The following BICD1 variants were observed in gnomAD, a reference collection of about 807,000 sequenced individuals.
The protein encoded by BICD1 is BICD cargo adaptor 1.
In BICD1, 35 loss-of-function variants were observed where a neutral mutation model predicts 92.5. The ratio of observed to expected loss-of-function variants is 0.38; its 90% confidence interval spans 0.29 to 0.50. The LOEUF (loss-of-function observed/expected upper bound fraction) is 0.50, where lower values mean the gene tolerates loss of function less well. Among genes scored for constraint, BICD1 ranks in the 20% least tolerant of loss-of-function variants. The pLI, the probability that BICD1 is intolerant of heterozygous loss-of-function variation, is 0.93. For synonymous variants in BICD1, 429 were observed against 465.1 expected (o/e 0.92, Z 1.00); for missense variants, 950 against 1,189.8 (o/e 0.80, Z 2.97).
intron 3 of BICD1, among the ~76,000 whole-genome samples, chr12:32,301,013 T>C (rs1948030114): frequency 6.6e-6 from 1 of 152,150 alleles, no homozygotes; most frequent in Non-Finnish European, 1.5e-5. Context: ...CACTGCTGTC[T>C]GAAGCAATTT....
rs1938594147 is a variant in BICD1, at chr12:32,346,562, A to ATATATATATATATACGTGTG, written c.2764+7597_2764+7598insCGTGTGTATATATATATATA. Among the ~76,000 whole-genome samples, 17 of 37,172 alleles carry ATATATATATATATACGTGTG rather than the reference A, an allele frequency of 4.6e-4. 2 individuals carry two copies. Among genetic ancestry groups the ATATATATATATATACGTGTG allele is most frequent in the African/African-American group, 5.6e-4 (3 of 5,398 alleles). 24.4% of individuals were successfully genotyped at this position (37,172 alleles called of 152,430 possible). ...TATATATATATATATATATATATAT[A>ATATATATATATATACGTGTG]TATATATATATATATATATACGTGT... On this transcript the variant is annotated intron_variant, in intron 8 of 9. Coordinates refer to ENST00000652176, the MANE Select transcript of BICD1 (RefSeq NM_001714.4).
At chr12:32,284,467 A>G (rs1947508195) in intron 2 of BICD1, among the ~76,000 whole-genome samples, 1 of 152,046 alleles carries the variant, frequency 6.6e-6, no homozygotes, top group African/African-American at 2.4e-5. Flanking sequence ...TTGTATTATC[A>G]CATCAGTCAG....
intron 3 of BICD1, among the ~76,000 whole-genome samples, chr12:32,300,187 T>C (rs924376865): frequency 6.6e-6 from 1 of 151,898 alleles, no homozygotes; most frequent in African/African-American, 2.4e-5. Flanking sequence ...CTGCAAGCTC[T>C]GCCTCCCGGG....
chr12:32,338,311 A>AAG (rs1938216825), intron 7 of BICD1: 3 of 172,608 alleles, frequency 1.7e-5, no homozygotes, highest in Admixed American at 1.1e-4. Context: ...GACAGACTGA[A>AAG]AGGGGATGTC....
intron 8 of BICD1, among the ~76,000 whole-genome samples, chr12:32,356,246 A>G (rs1216105294): frequency 6.6e-6 from 1 of 152,222 alleles, no homozygotes; most frequent in Non-Finnish European, 1.5e-5. Flanking sequence ...CAGTGTCCCT[A>G]GCTACTGGTT....
Position 32,256,239 on chromosome 12 carries a change from G to A in BICD1, c.427-37755G>A, listed in dbSNP as rs923218365. Among the ~76,000 whole-genome samples, 10 of 152,064 alleles carry A rather than the reference G, an allele frequency of 6.6e-5. No individual in the cohort carries two copies. The East Asian group carries it at 9.7e-4, about 15-fold the overall frequency. On this transcript the variant is annotated intron_variant, in intron 2 of 9. Coordinates refer to ENST00000652176, the MANE Select transcript of BICD1 (RefSeq NM_001714.4). The stretch of plus-strand genomic sequence containing the variant: ...AGCTAATTTTTTAATTTTTTGAGAC[G>A]GGTTTTTGCTATGTTGCCCAGGCTG...
At chr12:32,238,614 AG>A (rs1203769108) in intron 2 of BICD1, among the ~76,000 whole-genome samples, 8 of 152,244 alleles carry the variant, frequency 5.3e-5, no homozygotes, top group Admixed American at 5.2e-4. Context: ...TCTTCACAAA[AG>A]GAACAATTGG....
intron 2 of BICD1, among the ~76,000 whole-genome samples, chr12:32,243,351 C>T (rs1946288832): frequency 6.9e-6 from 1 of 145,736 alleles, no homozygotes; most frequent in African/African-American, 2.6e-5. Flanking sequence ...TGAGCTCAAG[C>T]GGTCTGCCTG....
intron 1 of BICD1, among the ~76,000 whole-genome samples, chr12:32,204,271 G>C (rs773190516): frequency 6.6e-6 from 1 of 151,028 alleles, no homozygotes; most frequent in Non-Finnish European, 1.5e-5. Flanking sequence ...GATTGCCTGA[G>C]CCTGGGAGGT....
At chr12:32,376,800 G>A (rs372594259) in intron 9 of BICD1, among the ~76,000 whole-genome samples, 34 of 150,184 alleles carry the variant, frequency 2.3e-4, no homozygotes, top group Non-Finnish European at 2.8e-4. Flanking sequence ...CTCGGGAGGC[G>A]GAGGCTGCAG....
Position 32,186,742 on chromosome 12 carries a change from C to T in BICD1, c.214-29505C>T, listed in dbSNP as rs189426896. ...ACCATATTCATTTCTGAATTTTTTT[C>T]ATCGTGAAGTGTGTGAGATGTGACT... On this transcript the variant is annotated intron_variant, in intron 1 of 9. Coordinates refer to ENST00000652176, the MANE Select transcript of BICD1 (RefSeq NM_001714.4). Among the ~76,000 whole-genome samples, 14 of 152,180 alleles carry T rather than the reference C, an allele frequency of 9.2e-5. 1 individual carries two copies. Among genetic ancestry groups the T allele is most frequent in the Admixed American group, 8.5e-4 (13 of 15,284 alleles).
At chr12:32,342,009 G>A (rs1198147146) in intron 8 of BICD1, among the ~76,000 whole-genome samples, 1 of 151,326 alleles carries the variant, frequency 6.6e-6, no homozygotes, top group Non-Finnish European at 1.5e-5. Flanking sequence ...TTAAATTCAG[G>A]AGTTTAACCA....
Position 32,272,759 on chromosome 12 carries a change from T to C in BICD1, c.427-21235T>C, listed in dbSNP as rs573033500. ...CCACAATGTGGTTAAGGAAACATAT[T>C]AAAACATTTTTAAAAATCAAGATTT... On this transcript the variant is annotated intron_variant, in intron 2 of 9. Coordinates refer to ENST00000652176, the MANE Select transcript of BICD1 (RefSeq NM_001714.4). Among the ~76,000 whole-genome samples, 355 of 152,342 alleles carry C rather than the reference T, an allele frequency of 2.3e-3. 2 individuals carry two copies. The highest frequency in any genetic ancestry group is 8.2e-3 in the African/African-American group (341 of 41,580).
intron 1 of BICD1, among the ~76,000 whole-genome samples, chr12:32,195,142 T>C (rs1236569495): frequency 6.6e-6 from 1 of 151,366 alleles, no homozygotes; most frequent in Non-Finnish European, 1.5e-5. Context: ...AGGTATCCTC[T>C]GTTCAAAGAG....
At chr12:32,192,666 T>G (rs1247530387) in intron 1 of BICD1, among the ~76,000 whole-genome samples, 1 of 152,124 alleles carries the variant, frequency 6.6e-6, no homozygotes, top group African/African-American at 2.4e-5. Context: ...GACTGGTTCA[T>G]GAGATTTAAG....
intron 1 of BICD1, among the ~76,000 whole-genome samples, chr12:32,198,047 A>G (rs79548062): frequency 0.066 from 10,027 of 152,064 alleles, 341 homozygotes; most frequent in South Asian, 0.11. Context: ...CTCTACTAAA[A>G]ATGCAAAATT....
At chr12:32,314,363 T>C (rs1431695633) in intron 4 of BICD1, among the ~76,000 whole-genome samples, 1 of 44,758 alleles carries the variant, frequency 2.2e-5, no homozygotes, top group Non-Finnish European at 4.4e-5. Flanking sequence ...TGAAAACAAA[T>C]CGAGTGTACC....
At position 32,380,587 on chromosome 12, in the gene BICD1, T is replaced by G. The variant is rs1272291461; in HGVS notation, c.*2960T>G. 2.0e-5 allele frequency: 3 copies of G among 152,158 alleles called. No individual in the cohort carries two copies. The highest frequency in any genetic ancestry group is 7.2e-5 in the African/African-American group (3 of 41,548). 9.4% of individuals were successfully genotyped at this position (152,158 alleles called of 1,614,324 possible). On this transcript the variant is annotated 3_prime_UTR_variant, in exon 10 of 10. Transcript: ENST00000652176. ...CTGAGGATTTTCCTTAATCAAAAAA[T>G]AAGAAGAAGCAATAAATTGTCTTTG...
chr12:32,244,008 T>C (rs1946304475), intron 2 of BICD1, among the ~76,000 whole-genome samples: 1 of 152,066 alleles, frequency 6.6e-6, no homozygotes, highest in Admixed American at 6.5e-5. Flanking sequence ...TTATTTCTTA[T>C]TCAAACTTAC....
Sources: gnomAD v4.1 joint callset for allele counts (sites outside exome capture counted in the v4.1 genomes callset) on GRCh38, gnomAD v4.1.1 for gene constraint, MANE v1.5 for transcripts, NCBI Gene and HGNC (gene_info 2026-07-23, HGNC 2026-07-21) for gene names.